ZNF469: variants seen among roughly 807,000 people sequenced by gnomAD.
ZNF469 encodes the protein zinc finger protein 469.
In ZNF469, 1 loss-of-function variant was observed where a neutral mutation model predicts 1.0. That is an observed-to-expected ratio of 1.00 (90% CI 0.35 to 4.73). The LOEUF (loss-of-function observed/expected upper bound fraction) is 4.73, where lower values mean the gene tolerates loss of function less well. Among genes scored for constraint, ZNF469 ranks in the 30% most tolerant of loss-of-function variants. The pLI is 0.16. For missense variants in ZNF469, 6,100 were observed against 5,356.3 expected, an observed-to-expected ratio of 1.14 and a Z score of -4.33; for synonymous variants, 2,703 against 2,363.4, an observed-to-expected ratio of 1.14 and a Z score of -4.17.
chr16:88,102,915 T>C, the ZNF469 span, among the ~76,000 whole-genome samples: 1 of 152,254 alleles, frequency 6.6e-6, no homozygotes, highest in African/African-American at 2.4e-5. Flanking sequence ...ATGGCTTTGG[T>C]TCCTCTGGAA....
intron 1 of ZNF469, among the ~76,000 whole-genome samples, chr16:88,398,445 T>C (rs76244329): frequency 0.26 from 38,037 of 146,856 alleles, 5,285 homozygotes; most frequent in African/African-American, 0.39. Context: ...AAGGGACATG[T>C]GAGACATGGT....
the ZNF469 span, among the ~76,000 whole-genome samples, chr16:88,286,403 G>A: frequency 6.6e-6 from 1 of 152,270 alleles, no homozygotes; most frequent in Non-Finnish European, 1.5e-5. Context: ...TCTGCTCTGA[G>A]CTCGCTGGTG....
chr16:88,141,913 T>C, the ZNF469 span, among the ~76,000 whole-genome samples: 1 of 152,312 alleles, frequency 6.6e-6, no homozygotes, highest in African/African-American at 2.4e-5. Context: ...TGAGAGCCGG[T>C]TGGGCTTCTG....
intron 1 of ZNF469, among the ~76,000 whole-genome samples, chr16:88,387,319 G>A (rs115558430): frequency 0.015 from 2,277 of 152,294 alleles, 51 homozygotes; most frequent in African/African-American, 0.051. Context: ...CGTCACTCCC[G>A]GTTCTCCCCC....
the ZNF469 span, among the ~76,000 whole-genome samples, chr16:88,291,379 G>T: frequency 6.6e-6 from 1 of 152,108 alleles, no homozygotes; most frequent in African/African-American, 2.4e-5. Context: ...CTGAGCTATC[G>T]GACGTAGAAG....
intron 1 of ZNF469, among the ~76,000 whole-genome samples, chr16:88,386,397 C>T (rs2142261712): frequency 6.6e-6 from 1 of 152,242 alleles, no homozygotes; most frequent in African/African-American, 2.4e-5. Flanking sequence ...CCATCTCCAC[C>T]GGCGACTGCC....
chr16:88,192,160 C>T, the ZNF469 span: 5 of 152,192 alleles, frequency 3.3e-5, no homozygotes, highest in Admixed American at 6.5e-5. Flanking sequence ...GGAATTCCAG[C>T]CTCCAGAACT....
In ZNF469 at chr16:88,435,770, G is replaced by A. The variant is rs1250643875; in HGVS notation, c.8300G>A (p.Cys2767Tyr). The change falls in exon 3 of 3, where the codon TGC becomes TAC. Residue 2767 changes from cysteine (C) to tyrosine (Y), a missense_variant. By Grantham distance (194) the Cys-to-Tyr change is radical (BLOSUM62 -2). Coordinates refer to ENST00000565624, the MANE Select transcript of ZNF469 (RefSeq NM_001367624.2). ...AGAGAGACCAAGGCGTTGGGTGTGTGCAAAGAGTCTGGGAGCGAGCCTGCG... is the reference window on the plus strand; with the variant it reads ...AGAGAGACCAAGGCGTTGGGTGTGTACAAAGAGTCTGGGAGCGAGCCTGCG... The part of the protein sequence containing the change: ...GPRETKALGV[C>Y]KESGSEPAED... The A allele has an allele frequency of 6.4e-7, 1 of 1,550,752 alleles. No individual in the cohort carries two copies. Among genetic ancestry groups the A allele is most frequent in the Non-Finnish European group, 8.7e-7 (1 of 1,146,988 alleles).
chr16:88,185,336 T>A, the ZNF469 span, among the ~76,000 whole-genome samples: 1 of 152,022 alleles, frequency 6.6e-6, no homozygotes, highest in African/African-American at 2.4e-5. Flanking sequence ...TACACTCACA[T>A]GAATACAATG....
chr16:88,439,039 G>C lies in ZNF469; in HGVS notation c.11569G>C (p.Val3857Leu). 6.5e-7 allele frequency: 1 copy of C among 1,550,242 alleles called. No individual in the cohort carries two copies. The highest frequency in any genetic ancestry group is 8.7e-7 in the Non-Finnish European group (1 of 1,146,922). The change falls in exon 3 of 3, where the codon GTG (valine) becomes CTG (leucine). Residue 3857 changes from valine to leucine, a missense_variant. Val to Leu is a conservative substitution (Grantham distance 32). Coordinates refer to ENST00000565624, the MANE Select transcript of ZNF469 (RefSeq NM_001367624.2). Reference protein sequence around the residue: ...TPRKQATPSRVLPTKPKPNSQ... With the variant: ...TPRKQATPSRLLPTKPKPNSQ... Reference sequence around the variant, plus strand: ...TCGGAAGCAGGCAACTCCCAGCCGCGTGCTCCCGACCAAGCCCAAGCCCAA... The same window carrying C: ...TCGGAAGCAGGCAACTCCCAGCCGCCTGCTCCCGACCAAGCCCAAGCCCAA...
the ZNF469 span, among the ~76,000 whole-genome samples, chr16:88,353,550 G>A: frequency 1.3e-5 from 2 of 152,220 alleles, no homozygotes; most frequent in African/African-American, 4.8e-5. Context: ...GCTCACTGCT[G>A]CCTGCCCAGA....
the ZNF469 span, among the ~76,000 whole-genome samples, chr16:88,239,715 ATTT>A: frequency 7.6e-3 from 51 of 6,720 alleles, no homozygotes; most frequent in South Asian, 0.01. Context: ...ATATATATAT[ATTT>A]TTTTTTTTTT....
chr16:88,238,739 G>C, the ZNF469 span, among the ~76,000 whole-genome samples: 1 of 152,240 alleles, frequency 6.6e-6, no homozygotes, highest in East Asian at 1.9e-4. Flanking sequence ...CAGGGAAGGG[G>C]GCAGAGCCCG....
chr16:88,304,348 C>T, the ZNF469 span, among the ~76,000 whole-genome samples: 2 of 152,172 alleles, frequency 1.3e-5, no homozygotes, highest in Non-Finnish European at 2.9e-5. Context: ...CTGTTGCAGG[C>T]GAGTCTGCAC....
chr16:88,340,659 G>T, the ZNF469 span, among the ~76,000 whole-genome samples: 1 of 152,128 alleles, frequency 6.6e-6, no homozygotes, highest in South Asian at 2.1e-4. Flanking sequence ...GGGCGGCGCA[G>T]CTTAACAGCC....
the ZNF469 span, among the ~76,000 whole-genome samples, chr16:88,109,880 G>C: frequency 6.6e-6 from 1 of 152,228 alleles, no homozygotes; most frequent in African/African-American, 2.4e-5. Flanking sequence ...TTGCCAGCTT[G>C]CTCACCTTTG....
chr16:88,435,202 C>G lies in ZNF469; in HGVS notation c.7732C>G (p.Pro2578Ala). ...CAGCCAGCAGCTGCACCCTCCAAGC[C>G]CTACTGAGCATGAGGTAGATGTGAA... ...PHSQQLHPPS[P>A]TEHEVDVKTP... The change falls in exon 3 of 3, where the codon CCT (proline) becomes GCT (alanine). Residue 2578 changes from proline to alanine, a missense_variant. Physicochemically the swap from Pro to Ala is conservative, Grantham distance 27 (BLOSUM62 -1). Transcript: ENST00000565624. The G allele has an allele frequency of 6.4e-7, 1 of 1,550,388 alleles. No homozygotes were observed. Among genetic ancestry groups the G allele is most frequent in the Non-Finnish European group, 8.7e-7 (1 of 1,146,994 alleles).
rs973539199 is a variant in ZNF469, at chr16:88,429,724, T to A, written c.2254T>A (p.Phe752Ile). 1 of 1,544,260 alleles carries A rather than the reference T, an allele frequency of 6.5e-7. No homozygotes were observed. The highest frequency in any genetic ancestry group is 8.7e-7 in the Non-Finnish European group (1 of 1,143,774). Residue 752 changes from phenylalanine to isoleucine, a missense_variant, in exon 3 of 3, where the codon TTC (phenylalanine) becomes ATC (isoleucine). Phe to Ile is a conservative substitution (Grantham distance 21). Coordinates refer to ENST00000565624, the MANE Select transcript of ZNF469 (RefSeq NM_001367624.2). ...GGCGGCCTTCCTGGCCCACCGGCAG[T>A]TCTGTGGCCTGCTCCTGGCCAGGGC... ...SLAAFLAHRQ[F>I]CGLLLARAKD... is the part of the protein sequence containing the mutation.
At chr16:88,320,921 AG>A in the ZNF469 span, among the ~76,000 whole-genome samples, 1 of 152,258 alleles carries the variant, frequency 6.6e-6, no homozygotes. Flanking sequence ...GGAGGAGTTC[AG>A]GACGCAGATG....
Sources: gnomAD v4.1 joint callset for allele counts (sites outside exome capture counted in the v4.1 genomes callset) on GRCh38, gnomAD v4.1.1 for gene constraint, MANE v1.5 for transcripts, NCBI Gene and HGNC (gene_info 2026-07-23, HGNC 2026-07-21) for gene names.